Variants in LPAR1 observed in about 807,000 individuals in gnomAD.
LPAR1 encodes lysophosphatidic acid receptor 1.
A neutral mutation model predicts 23.8 loss-of-function variants in LPAR1; 5 were observed. The ratio of observed to expected loss-of-function variants is 0.21; its 90% CI spans 0.11 to 0.44. The LOEUF (loss-of-function observed/expected upper bound fraction) is 0.44, where lower values mean the gene tolerates loss of function less well. LPAR1 is among the 20% of genes least tolerant of loss of function. LPAR1 has a pLI of 0.99. For missense variants in LPAR1, 311 were observed against 482.8 expected, an observed-to-expected ratio of 0.64 and a Z score of 3.33; for synonymous variants, 160 against 164.7, an observed-to-expected ratio of 0.97 and a Z score of 0.22.
chr9:110,926,071 C>A (rs2094004580), intron 5 of LPAR1, among the ~76,000 whole-genome samples: 1 of 152,200 alleles, frequency 6.6e-6, no homozygotes, highest in Non-Finnish European at 1.5e-5. Flanking sequence ...CAGGCGCCTG[C>A]CACTGCGCCC....
At chr9:110,935,519 T>C (rs1041344063) in intron 5 of LPAR1, among the ~76,000 whole-genome samples, 2 of 152,066 alleles carry the variant, frequency 1.3e-5, no homozygotes, top group Non-Finnish European at 2.9e-5. Context: ...CTGGGCATGG[T>C]GGCTCACACC....
chr9:110,934,074 G>A (rs759188852), intron 5 of LPAR1, among the ~76,000 whole-genome samples: 4 of 152,162 alleles, frequency 2.6e-5, no homozygotes, highest in Non-Finnish European at 4.4e-5. Context: ...CCAAACAATC[G>A]AGGCTCTCAT....
At chr9:111,000,276 T>C (rs532742807) in intron 2 of LPAR1, among the ~76,000 whole-genome samples, 1 of 152,286 alleles carries the variant, frequency 6.6e-6, no homozygotes, top group East Asian at 1.9e-4. Context: ...GGGAGAACAG[T>C]AGTCCAGTTC....
At chr9:110,876,319 T>C (rs1311388319) in intron 5 of LPAR1, among the ~76,000 whole-genome samples, 1 of 152,240 alleles carries the variant, frequency 6.6e-6, no homozygotes, top group East Asian at 1.9e-4. Flanking sequence ...AATCTGTATC[T>C]ACAATAACAA....
intron 2 of LPAR1, among the ~76,000 whole-genome samples, chr9:111,006,271 T>C (rs1292323157): frequency 6.6e-6 from 1 of 152,232 alleles, no homozygotes; most frequent in East Asian, 1.9e-4. Context: ...CCCAGCTTTC[T>C]CAAGTCACTG....
chr9:110,996,999 T>C (rs1414383879), intron 2 of LPAR1, among the ~76,000 whole-genome samples: 1 of 152,208 alleles, frequency 6.6e-6, no homozygotes, highest in Non-Finnish European at 1.5e-5. Flanking sequence ...AAATTGCAGC[T>C]GTTTGTACTT....
At chr9:110,982,769 A>G (rs575759490) in intron 2 of LPAR1, among the ~76,000 whole-genome samples, 2 of 151,872 alleles carry the variant, frequency 1.3e-5, no homozygotes, top group South Asian at 4.1e-4. Flanking sequence ...CCTAACTCCT[A>G]CAACTCAAAA....
chr9:110,983,843 A>G (rs1457937399), intron 2 of LPAR1, among the ~76,000 whole-genome samples: 2 of 152,084 alleles, frequency 1.3e-5, no homozygotes, highest in Non-Finnish European at 2.9e-5. Flanking sequence ...CCTCACCCCA[A>G]CAAATAAGAT....
Position 110,953,376 on chromosome 9 carries a change from C to T in LPAR1, c.46-11208G>A, listed in dbSNP as rs73657212. On this transcript the variant is annotated intron_variant, in intron 4 of 5. Coordinates refer to ENST00000683809, the MANE Select transcript of LPAR1 (RefSeq NM_001351411.2). The stretch of plus-strand genomic sequence containing the variant: ...CCAAAGCCACTTAAAGAATTACAGA[C>T]ACATAGTCCGGGCGTAGTGGCTCAT... Among the ~76,000 whole-genome samples, 966 of 152,276 alleles carry T rather than the reference C, an allele frequency of 6.3e-3. 13 individuals are homozygous for T. Among genetic ancestry groups the T allele is most frequent in the African/African-American group, 0.022 (900 of 41,566 alleles).
At chr9:110,921,090 C>T (rs2093598229) in intron 5 of LPAR1, among the ~76,000 whole-genome samples, 1 of 151,962 alleles carries the variant, frequency 6.6e-6, no homozygotes, top group Admixed American at 6.6e-5. Context: ...AAGCAAGGAT[C>T]GCTACTGTAC....
At chr9:110,935,115 C>T (rs998223394) in intron 5 of LPAR1, among the ~76,000 whole-genome samples, 1 of 152,086 alleles carries the variant, frequency 6.6e-6, no homozygotes, top group Non-Finnish European at 1.5e-5. Flanking sequence ...ACCTTCACAG[C>T]CACAATGTTT....
At chr9:110,880,426 T>G (rs2080430845) in intron 5 of LPAR1, among the ~76,000 whole-genome samples, 1 of 152,228 alleles carries the variant, frequency 6.6e-6, no homozygotes. Flanking sequence ...TCTTTTTTTC[T>G]AGAATGACTT....
At chr9:111,032,325 C>T (rs1039721366) in intron 2 of LPAR1, among the ~76,000 whole-genome samples, 1 of 152,156 alleles carries the variant, frequency 6.6e-6, no homozygotes, top group African/African-American at 2.4e-5. Context: ...ATTCCCTGAC[C>T]TCCACCACCT....
chr9:110,953,728 C>T (rs114523745), intron 4 of LPAR1, among the ~76,000 whole-genome samples: 1,552 of 151,566 alleles, frequency 0.01, 20 homozygotes, highest in African/African-American at 0.035. Flanking sequence ...TATATGGAGA[C>T]TACACTACTT....
Position 110,889,290 on chromosome 9 carries a change from G to A in LPAR1, c.794-13568C>T, listed in dbSNP as rs568616129. Among the ~76,000 whole-genome samples, 14 of 152,182 alleles carry A rather than the reference G, an allele frequency of 9.2e-5. 1 individual carries two copies. The highest frequency in any genetic ancestry group is 3.4e-3 in the Middle Eastern group (1 of 294). ...GGAGAATGGTGTGAAGCCGGGAGGC[G>A]GAGCTTGCAGTGAGCCGAGATTGTA... On this transcript the variant is annotated intron_variant, in intron 5 of 5. Coordinates refer to ENST00000683809, the MANE Select transcript of LPAR1 (RefSeq NM_001351411.2).
chr9:110,909,589 C>A (rs1194025100), intron 5 of LPAR1, among the ~76,000 whole-genome samples: 1 of 152,166 alleles, frequency 6.6e-6, no homozygotes, highest in Non-Finnish European at 1.5e-5. Flanking sequence ...AGTGGCACCT[C>A]TTCTCCAGCA....
Position 110,874,349 on chromosome 9 carries a change from C to CT in LPAR1, c.*1071_*1072insA. ...GCCATAAGAAAATGTGGCAATTTTGCAATGAAAAAGATCTACTTATAAAAC... is the reference window on the plus strand; with the variant it reads ...GCCATAAGAAAATGTGGCAATTTTGCTAATGAAAAAGATCTACTTATAAAAC... On this transcript the variant is annotated 3_prime_UTR_variant, in exon 6 of 6. Coordinates refer to ENST00000683809, the MANE Select transcript of LPAR1 (RefSeq NM_001351411.2). The CT allele has an allele frequency of 6.6e-6, 1 of 152,402 alleles. No homozygotes were observed. Among genetic ancestry groups the CT allele is most frequent in the Admixed American group, 6.6e-5 (1 of 15,246 alleles). The allele number at this position is 152,402 out of a possible 1,614,324, so 9.4% of individuals were successfully genotyped here. A position where few individuals can be genotyped will look rare whatever the true frequency, so the allele number is the denominator to read the frequency against.
Position 110,911,186 on chromosome 9 carries a change from T to TCAGCAACCACCACTGTCATCAGC in LPAR1, c.793+30212_793+30234dup, listed in dbSNP as rs2092385444. Among the ~76,000 whole-genome samples, 5 of 152,252 alleles carry TCAGCAACCACCACTGTCATCAGC rather than the reference T, an allele frequency of 3.3e-5. No homozygotes were observed. In the South Asian group the frequency reaches 1.0e-3, roughly 32 times the overall value. On this transcript the variant is annotated intron_variant, in intron 5 of 5. Transcript: ENST00000683809. ...GAAATTGCCACAGCCACCCCAATCT[T>TCAGCAACCACCACTGTCATCAGC]CAGCAACCACCACTGTCATCAGCCA...
intron 4 of LPAR1, among the ~76,000 whole-genome samples, chr9:110,947,025 A>G (rs2095407652): frequency 6.6e-6 from 1 of 151,926 alleles, no homozygotes; most frequent in African/African-American, 2.4e-5. Flanking sequence ...AATACACTAA[A>G]GCAGAATGGC....
Sources: allele counts gnomAD v4.1 joint callset (sites outside exome capture counted in the v4.1 genomes callset), GRCh38; gene constraint gnomAD v4.1.1; transcripts MANE v1.5; gene names NCBI Gene and HGNC (gene_info 2026-07-23, HGNC 2026-07-21).